The following MMP28 variants were observed in gnomAD, a reference collection of about 807,000 sequenced individuals.
MMP28 encodes the protein matrix metallopeptidase 28.
In MMP28, 55 loss-of-function variants were observed where a neutral mutation model predicts 60.5. That is an observed-to-expected ratio of 0.91 (90% CI 0.73 to 1.14). The LOEUF (loss-of-function observed/expected upper bound fraction) is 1.14, where lower values mean the gene tolerates loss of function less well. Among genes scored for constraint, MMP28 ranks in the 50% most tolerant of loss-of-function variants. The pLI, the probability that MMP28 is intolerant of heterozygous loss-of-function variation, is 0.00. For synonymous variants in MMP28, 318 were observed against 312.5 expected (o/e 1.02, Z -0.18); for missense variants, 686 against 738.3 (o/e 0.93, Z 0.82).
intron 1 of MMP28, among the ~76,000 whole-genome samples, chr17:35,793,392 G>C (rs370448844): frequency 6.6e-6 from 1 of 152,170 alleles, no homozygotes; most frequent in Non-Finnish European, 1.5e-5. Flanking sequence ...ACTTGGCTTG[G>C]CAGACAGAAG....
downstream of MMP28, among the ~76,000 whole-genome samples, chr17:35,761,196 C>G (rs587612206): frequency 3.8e-4 from 57 of 151,202 alleles, no homozygotes; most frequent in African/African-American, 1.3e-3. Flanking sequence ...CTCTGCCTCC[C>G]GGGTTCAAGT....
intron 4 of MMP28, among the ~76,000 whole-genome samples, chr17:35,771,987 T>C (rs1346103026): frequency 6.6e-6 from 1 of 151,780 alleles, no homozygotes; most frequent in Non-Finnish European, 1.5e-5. Context: ...TGATAAAGTT[T>C]GCCTAGAAGC....
chr17:35,765,190 C>T (rs1183643211), downstream of MMP28: 5 of 152,268 alleles, frequency 3.3e-5, no homozygotes, highest in African/African-American at 1.2e-4. Flanking sequence ...CAGAACGGTA[C>T]AAACATTTGT....
intron 1 of MMP28, among the ~76,000 whole-genome samples, chr17:35,794,904 G>A (rs1403997484): frequency 2.6e-5 from 4 of 152,208 alleles, no homozygotes; most frequent in African/African-American, 9.6e-5. Flanking sequence ...ACCAAACTGA[G>A]GCTTCCACAC....
downstream of MMP28, among the ~76,000 whole-genome samples, chr17:35,765,612 G>A (rs990882122): frequency 2.6e-5 from 4 of 152,342 alleles, no homozygotes; most frequent in East Asian, 1.9e-4. Flanking sequence ...CCCAGCGCCT[G>A]CAGCGTTGCA....
In MMP28 at chr17:35,770,259, G is replaced by T. The variant is rs746039705; in HGVS notation, c.658C>A (p.Gln220Lys). 1.3e-6 allele frequency: 2 copies of T among 1,581,432 alleles called. No homozygotes were observed. Among genetic ancestry groups the T allele is most frequent in the African/African-American group, 1.3e-5 (1 of 74,464 alleles). ...CGGCTCAGGGACCAGCGCTCATCTT[G>T]GTCGAAGTGCGCTTCGCCGCGGCGG... ...LPRRGEAHFD[Q>K]DERWSLSRRR... The change falls in exon 5 of 8, where the codon CAA (glutamine) becomes AAA (lysine). Residue 220 changes from glutamine (Q) to lysine (K), a missense_variant. Gln to Lys is a moderately conservative substitution (Grantham distance 53). Transcript: ENST00000605424.
At chr17:35,774,786 T>C (rs1352523848) in intron 3 of MMP28, among the ~76,000 whole-genome samples, 2 of 152,006 alleles carry the variant, frequency 1.3e-5, no homozygotes, top group Admixed American at 6.6e-5. Flanking sequence ...GGAATGACTC[T>C]AAGGAAGGGA....
intron 2 of MMP28, among the ~76,000 whole-genome samples, chr17:35,760,485 A>G (rs1218708970): frequency 2.6e-5 from 4 of 152,208 alleles, no homozygotes; most frequent in African/African-American, 7.2e-5. Flanking sequence ...TAAGGATAAG[A>G]CAGGAAGAGG....
Position 35,767,064 on chromosome 17 carries a change from G to A in MMP28, c.1169-170C>T, listed in dbSNP as rs961550489. ...CAAATTAGTTATAAATAGCAGGGTGGTAGTAGCAACTCCTATTATTTATTG... is the reference window on the plus strand; with the variant it reads ...CAAATTAGTTATAAATAGCAGGGTGATAGTAGCAACTCCTATTATTTATTG... On this transcript the variant is annotated intron_variant, in intron 7 of 7. Transcript: ENST00000605424. The A allele has an allele frequency of 4.6e-5, 34 of 741,340 alleles. No individual in the cohort carries two copies. The Admixed American group carries it at 4.8e-4, about 10-fold the overall frequency. The allele number at this position is 741,340 out of a possible 1,614,324, so 45.9% of individuals were successfully genotyped here.
At chr17:35,778,267 G>A (rs2086391628) in intron 3 of MMP28, among the ~76,000 whole-genome samples, 1 of 152,186 alleles carries the variant, frequency 6.6e-6, no homozygotes, top group African/African-American at 2.4e-5. Flanking sequence ...CATTGAGACA[G>A]AAGTGGATTA....
At chr17:35,763,594 T>A (rs1029892690), downstream of MMP28, among the ~76,000 whole-genome samples, 2 of 150,104 alleles carry the variant, frequency 1.3e-5, no homozygotes, top group African/African-American at 2.4e-5. Flanking sequence ...ACTTAAAAAA[T>A]TTTTTTGAAA....
intron 4 of MMP28, among the ~76,000 whole-genome samples, chr17:35,772,260 G>T (rs182534497): frequency 6.6e-6 from 1 of 152,348 alleles, no homozygotes; most frequent in South Asian, 2.1e-4. Flanking sequence ...CCAAATCAGA[G>T]GGCTGCTTGG....
chr17:35,768,904 A>C (rs1462675255), intron 5 of MMP28, among the ~76,000 whole-genome samples: 1 of 152,222 alleles, frequency 6.6e-6, no homozygotes, highest in Non-Finnish European at 1.5e-5. Context: ...GGGACAGAGG[A>C]ACCTCCTGAG....
downstream of MMP28, chr17:35,764,147 G>A (rs1276091316): frequency 6.5e-7 from 1 of 1,549,280 alleles, no homozygotes; most frequent in Non-Finnish European, 8.7e-7. Flanking sequence ...GGAGGGCGAG[G>A]AGCCGCCGCG....
chr17:35,756,967 G>T (rs2085746224), intron 2 of MMP28, among the ~76,000 whole-genome samples: 1 of 151,800 alleles, frequency 6.6e-6, no homozygotes, highest in Non-Finnish European at 1.5e-5. Context: ...GGAAGCCAAG[G>T]CGGGCAGATC....
intron 1 of MMP28, among the ~76,000 whole-genome samples, chr17:35,781,104 A>C (rs965926334): frequency 3.9e-5 from 6 of 152,216 alleles, no homozygotes; most frequent in Non-Finnish European, 2.9e-5. Context: ...AAGGAACAGA[A>C]GGAAGGCTGG....
Position 35,766,351 on chromosome 17 carries a change from A to T in MMP28, c.*149T>A. The T allele has an allele frequency of 7.0e-7, 1 of 1,422,816 alleles. No homozygotes were observed. The highest frequency in any genetic ancestry group is 9.2e-7 in the Non-Finnish European group (1 of 1,091,262). 88.1% of individuals were successfully genotyped at this position (1,422,816 alleles called of 1,614,324 possible). On this transcript the variant is annotated 3_prime_UTR_variant, in exon 8 of 8. Coordinates refer to ENST00000605424, the MANE Select transcript of MMP28 (RefSeq NM_024302.5). This position sits in a 1 kb window ranked among gnomAD's most constrained non-coding sequence, Gnocchi z 4.3. ...AAGACAATGCTGCATTCTTCAAGGA[A>T]CAAAGGCAGACAGACTTCCAGATGG...
intron 6 of MMP28, 21 bp downstream of exon 6, chr17:35,768,206 AAAG>A: frequency 1.9e-6 from 3 of 1,576,880 alleles, no homozygotes; most frequent in Non-Finnish European, 2.6e-6. Flanking sequence ...AGAAAGAAGC[AAAG>A]CACCAGTGGG....
chr17:35,785,097 G>A (rs1312034473), intron 1 of MMP28, among the ~76,000 whole-genome samples: 1 of 152,138 alleles, frequency 6.6e-6, no homozygotes, highest in Non-Finnish European at 1.5e-5. Context: ...TGGGTAAAAT[G>A]GAACTAGTTC....
Sources: allele counts gnomAD v4.1 joint callset (sites outside exome capture counted in the v4.1 genomes callset), GRCh38; gene constraint gnomAD v4.1.1; non-coding constraint Gnocchi (gnomAD v3.1); transcripts MANE v1.5; gene names NCBI Gene and HGNC (gene_info 2026-07-23, HGNC 2026-07-21).